Variants in NHSL1 observed in about 807,000 individuals in gnomAD.
NHSL1 encodes the protein NHS like 1, also known as NHS-like protein 1.
Under a neutral mutation model 95.0 loss-of-function variants are expected in NHSL1, and 48 were observed. The ratio of observed to expected loss-of-function variants is 0.51; its 90% CI spans 0.40 to 0.64. The LOEUF (loss-of-function observed/expected upper bound fraction) is 0.64, where lower values mean the gene tolerates loss of function less well. Ranked by LOEUF, NHSL1 falls within the 30% of genes least tolerant of loss-of-function variation. The pLI, the probability that NHSL1 is intolerant of heterozygous loss-of-function variation, is 0.00. For synonymous variants in NHSL1, 783 were observed against 833.9 expected (o/e 0.94, Z 1.05); for missense variants, 1,971 against 2,077.7 (o/e 0.95, Z 1.00).
At chr6:138,692,897 C>T (rs940713830), upstream of NHSL1, among the ~76,000 whole-genome samples, 1 of 150,658 alleles carries the variant, frequency 6.6e-6, no homozygotes, top group African/African-American at 2.4e-5. This position sits in a 1 kb window ranked among gnomAD's most constrained non-coding sequence, Gnocchi z 4.0. Flanking sequence ...CCCCTGCCCG[C>T]AGGGGAGAGG....
chr6:138,447,129 G>A lies in NHSL1; in HGVS notation c.404C>T (p.Ser135Leu). 6.4e-7 allele frequency: 1 copy of A among 1,551,788 alleles called. No individual in the cohort carries two copies. Among genetic ancestry groups the A allele is most frequent in the Non-Finnish European group, 8.7e-7 (1 of 1,147,006 alleles). ...ISIRRPKTPASSDFSDLNTQT... is the reference protein window; with the variant it reads ...ISIRRPKTPALSDFSDLNTQT... ...AGTATTAAGGTCGGAGAAGTCACTT[G>A]AGGCTGGTGTTTTAGGTCTCCTGAT... Residue 135 changes from serine (S) to leucine (L), a missense_variant, in exon 4 of 8, where the codon TCA (serine) becomes TTA (leucine). This residue lies in a region of NHSL1 where 1,602 missense variants were observed against 1,654.5 expected (regional missense o/e 0.97). Transcript: ENST00000343505.
At chr6:138,687,966 TGGGGACACAGAGTCTTGCTCTATCTCCCA>T (rs987981518) in intron 1 of NHSL1, among the ~76,000 whole-genome samples, 1 of 151,746 alleles carries the variant, frequency 6.6e-6, no homozygotes, top group Non-Finnish European at 1.5e-5. Flanking sequence ...TTTTTTTTTT[TGGGGACACAGAGTCTTGCTCTATCTCCCA>T]GGCTGGGGTG....
At chr6:138,541,065 T>C (rs1029980703) in intron 1 of NHSL1, among the ~76,000 whole-genome samples, 1 of 152,152 alleles carries the variant, frequency 6.6e-6, no homozygotes, top group African/African-American at 2.4e-5. Flanking sequence ...ATGCATCCTG[T>C]CCATATTAAA....
At chr6:138,627,210 CA>C (rs746804371) in intron 1 of NHSL1, among the ~76,000 whole-genome samples, 3 of 152,182 alleles carry the variant, frequency 2.0e-5, no homozygotes, top group Non-Finnish European at 2.9e-5. Flanking sequence ...ATTAAATTCT[CA>C]AGCTACCTAC....
chr6:138,598,266 C>G (rs1288534458), intron 1 of NHSL1, among the ~76,000 whole-genome samples: 2 of 152,114 alleles, frequency 1.3e-5, no homozygotes, highest in Non-Finnish European at 2.9e-5. Flanking sequence ...CAAGACCCGT[C>G]AGGCCAACAT....
chr6:138,502,735 G>C (rs1780753253), upstream of NHSL1, among the ~76,000 whole-genome samples: 1 of 152,242 alleles, frequency 6.6e-6, no homozygotes, highest in African/African-American at 2.4e-5. Context: ...GACCAGAGGA[G>C]TGACCCCTCC....
rs192643569 is a variant in NHSL1 at position 138,443,575 on chromosome 6, C to T, written c.533-1461G>A. Among the ~76,000 whole-genome samples the T allele has an allele frequency of 4.6e-5, 7 of 152,220 alleles. No homozygotes were observed. In the East Asian group the frequency reaches 1.4e-3, roughly 29 times the overall value. On this transcript the variant is annotated intron_variant, in intron 4 of 7. Transcript: ENST00000343505. ...AGTGTGGTGGCTCATACCTATAATC[C>T]CAGCACATTGGAGAGTTGAGGTGGG...
chr6:138,432,844 C>T lies in NHSL1; in HGVS notation c.1501G>A (p.Val501Ile), dbSNP rs1321893547. 16 of 1,551,182 alleles carry T rather than the reference C, an allele frequency of 1.0e-5. No individual in the cohort carries two copies. The highest frequency in any genetic ancestry group is 7.3e-5 in the East Asian group (3 of 40,914). ...PALLSLCDSA[V>I]PLNAPANREN... is the part of the protein sequence containing the mutation. ...CTATTTGCTGGAGCATTTAGAGGGACGGCTGAGTCACAGAGGGACAACAGT... is the reference window on the plus strand; with the variant it reads ...CTATTTGCTGGAGCATTTAGAGGGATGGCTGAGTCACAGAGGGACAACAGT... The change falls in exon 6 of 8, where the codon GTC (valine) becomes ATC (isoleucine). Residue 501 changes from valine (V) to isoleucine (I), a missense_variant. Val to Ile is a conservative substitution (Grantham distance 29, BLOSUM62 3). Transcript: ENST00000343505. The surrounding 1 kb of genome is among the most constrained non-coding windows in gnomAD (Gnocchi z 4.4).
chr6:138,608,913 G>A (rs755709692), intron 1 of NHSL1, among the ~76,000 whole-genome samples: 7 of 152,156 alleles, frequency 4.6e-5, no homozygotes, highest in African/African-American at 1.4e-4. Context: ...CAACCCCACT[G>A]TCTTGCCCAT....
At chr6:138,530,832 T>C (rs1205491882) in intron 1 of NHSL1, among the ~76,000 whole-genome samples, 1 of 152,052 alleles carries the variant, frequency 6.6e-6, no homozygotes, top group Non-Finnish European at 1.5e-5. Context: ...GGGTGAGGGA[T>C]AAAAGACCAC....
chr6:138,448,490 C>A (rs975141589), intron 3 of NHSL1, among the ~76,000 whole-genome samples: 1 of 152,136 alleles, frequency 6.6e-6, no homozygotes, highest in Non-Finnish European at 1.5e-5. Context: ...ACAACCAGCA[C>A]CCAGTTCAAT....
rs538497352 is a variant in NHSL1, at chr6:138,540,996, G to T, written c.16+4627C>A. Among the ~76,000 whole-genome samples the T allele has an allele frequency of 2.0e-5, 3 of 152,294 alleles. No homozygotes were observed. In the South Asian group the frequency reaches 6.2e-4, roughly 32 times the overall value. ...TCCATTAGTAAATTCAGGAACTTGA[G>T]GTCTGTGATGCTTATAAAATATAGT... On this transcript the variant is annotated intron_variant, in intron 1 of 4. Coordinates refer to the NHSL1 transcript ENST00000342260.
intron 1 of NHSL1, among the ~76,000 whole-genome samples, chr6:138,517,819 C>T (rs1781517128): frequency 6.6e-6 from 1 of 152,182 alleles, no homozygotes; most frequent in Non-Finnish European, 1.5e-5. Flanking sequence ...AAGCAGCTCC[C>T]AGAGCAGGTC....
chr6:138,512,906 C>A (rs530307223), intron 1 of NHSL1, among the ~76,000 whole-genome samples: 2 of 152,224 alleles, frequency 1.3e-5, no homozygotes, highest in Non-Finnish European at 2.9e-5. Context: ...TGTTACCTCC[C>A]TTCTCCACAA....
intron 1 of NHSL1, among the ~76,000 whole-genome samples, chr6:138,614,110 T>C (rs1284013412): frequency 2.0e-5 from 3 of 152,226 alleles, no homozygotes; most frequent in Non-Finnish European, 4.4e-5. Context: ...TATACTTCCT[T>C]TCTTTCCTTA....
intron 5 of NHSL1, among the ~76,000 whole-genome samples, chr6:138,438,295 C>A (rs113045049): frequency 0.012 from 1,757 of 152,290 alleles, 32 homozygotes; most frequent in African/African-American, 0.04. Flanking sequence ...TGACAACTGT[C>A]TGTAGGCTCA....
chr6:138,619,178 A>G (rs1784620344), intron 1 of NHSL1, among the ~76,000 whole-genome samples: 1 of 152,140 alleles, frequency 6.6e-6, no homozygotes, highest in Admixed American at 6.5e-5. Flanking sequence ...TCTCTACTAA[A>G]AACACAAAAA....
At chr6:138,577,912 C>T (rs1326558809) in intron 1 of NHSL1, among the ~76,000 whole-genome samples, 4 of 152,174 alleles carry the variant, frequency 2.6e-5, no homozygotes, top group South Asian at 2.1e-4. Context: ...CCCCATAGTA[C>T]ATTAAATCCT....
intron 3 of NHSL1, among the ~76,000 whole-genome samples, chr6:138,471,629 A>G (rs976976534): frequency 3.9e-5 from 6 of 152,200 alleles, no homozygotes; most frequent in African/African-American, 1.4e-4. Context: ...GAAGTTGTTG[A>G]CCAAAGGGGA....
Sources: allele counts gnomAD v4.1 joint callset (sites outside exome capture counted in the v4.1 genomes callset), GRCh38; gene constraint gnomAD v4.1.1; regional missense constraint gnomAD v4.1.1; non-coding constraint Gnocchi (gnomAD v3.1); transcripts MANE v1.5; gene names NCBI Gene and HGNC (gene_info 2026-07-23, HGNC 2026-07-21).